The following NTM variants were observed in gnomAD, a reference collection of about 807,000 sequenced individuals.
NTM encodes neurotrimin, also known as IgLON family member 2.
NTM carries 13 observed loss-of-function variants against 42.1 expected under a neutral mutation model. The observed-to-expected ratio is 0.31, with a 90% confidence interval of 0.20 to 0.49. NTM has a LOEUF of 0.49. Ranked by LOEUF, NTM falls within the 20% of genes least tolerant of loss-of-function variation. NTM has a pLI of 0.99. For synonymous variants in NTM, 187 were observed against 179.2 expected (o/e 1.04, Z -0.35); for missense variants, 373 against 452.8 (o/e 0.82, Z 1.60).
Position 132,334,208 on chromosome 11 carries a change from G to A in NTM, c.968-838G>A, listed in dbSNP as rs114784818. On this transcript the variant is annotated intron_variant, in intron 8 of 8. Coordinates refer to ENST00000683400, the MANE Select transcript of NTM (RefSeq NM_001352005.2). ...ACAAGGGCCGAGGTAGCCAGAAAACGTATGTTTCAGAACAATAGGGAAGCT... is the reference window on the plus strand; with the variant it reads ...ACAAGGGCCGAGGTAGCCAGAAAACATATGTTTCAGAACAATAGGGAAGCT... Among the ~76,000 whole-genome samples, 1,321 of 152,354 alleles carry A rather than the reference G, an allele frequency of 8.7e-3. 23 individuals are homozygous for A. Among genetic ancestry groups the A allele is most frequent in the African/African-American group, 0.03 (1,266 of 41,582 alleles).
At chr11:132,172,380 TG>T (rs1162961286) in intron 3 of NTM, among the ~76,000 whole-genome samples, 3 of 152,202 alleles carry the variant, frequency 2.0e-5, no homozygotes, top group Non-Finnish European at 2.9e-5. Context: ...ACTCATTTTC[TG>T]GACATATCCA....
At chr11:131,466,233 G>A (rs1415816943) in intron 1 of NTM, among the ~76,000 whole-genome samples, 1 of 152,252 alleles carries the variant, frequency 6.6e-6, no homozygotes, top group Non-Finnish European at 1.5e-5. Context: ...GGAAGACGGA[G>A]AAGGAGATGT....
chr11:131,858,865 A>G (rs1486467441), intron 1 of NTM, among the ~76,000 whole-genome samples: 2 of 142,342 alleles, frequency 1.4e-5, no homozygotes, highest in African/African-American at 6.2e-5. Flanking sequence ...TCTGCTCACC[A>G]AATAGTCCCC....
At chr11:132,123,608 T>C (rs556629357) in intron 2 of NTM, among the ~76,000 whole-genome samples, 2 of 152,340 alleles carry the variant, frequency 1.3e-5, no homozygotes, top group South Asian at 4.1e-4. Context: ...CCACTGGTCC[T>C]TCCCATACAC....
chr11:132,230,906 C>T (rs942952419), intron 4 of NTM, among the ~76,000 whole-genome samples: 5 of 152,156 alleles, frequency 3.3e-5, no homozygotes, highest in African/African-American at 4.8e-5. Flanking sequence ...CACCTGCAGT[C>T]GCAGCTGAGG....
intron 4 of NTM, among the ~76,000 whole-genome samples, chr11:132,244,991 G>A (rs555392066): frequency 2.9e-4 from 44 of 152,314 alleles, no homozygotes; most frequent in African/African-American, 1.0e-3. Flanking sequence ...TGTAATCTGC[G>A]GCTCTGAGTG....
At chr11:131,893,455 G>T (rs1347850261) in intron 1 of NTM, among the ~76,000 whole-genome samples, 1 of 152,140 alleles carries the variant, frequency 6.6e-6, no homozygotes, top group Admixed American at 6.5e-5. Context: ...GTACCCTAGT[G>T]CTTCTAGGAG....
At chr11:131,397,720 A>G (rs1944714072) in intron 1 of NTM, among the ~76,000 whole-genome samples, 1 of 152,160 alleles carries the variant, frequency 6.6e-6, no homozygotes. Flanking sequence ...GGATGTATAA[A>G]TGGGCTTCCT....
intron 2 of NTM, among the ~76,000 whole-genome samples, chr11:132,048,728 A>G (rs1242323268): frequency 6.6e-6 from 1 of 151,454 alleles, no homozygotes; most frequent in African/African-American, 2.4e-5. Context: ...ACAGACAGAC[A>G]CCCCCAACCA....
At chr11:131,643,802 G>T (rs1396072041) in intron 1 of NTM, among the ~76,000 whole-genome samples, 1 of 152,156 alleles carries the variant, frequency 6.6e-6, no homozygotes, top group East Asian at 1.9e-4. Flanking sequence ...ACAGGGCCAG[G>T]CTGAGAGTTC....
intron 1 of NTM, among the ~76,000 whole-genome samples, chr11:131,590,622 T>C (rs750124615): frequency 3.9e-4 from 59 of 152,204 alleles, no homozygotes; most frequent in African/African-American, 7.5e-4. Context: ...CAAGTTATTA[T>C]AACAACAACA....
At chr11:131,404,405 A>G in intron 1 of NTM, among the ~76,000 whole-genome samples, 1 of 151,604 alleles carries the variant, frequency 6.6e-6, no homozygotes, top group East Asian at 1.9e-4. Flanking sequence ...TTCTTACCTC[A>G]CTAAACCCTA....
chr11:131,386,247 T>A (rs765114776), intron 1 of NTM, among the ~76,000 whole-genome samples: 16 of 152,214 alleles, frequency 1.1e-4, no homozygotes, highest in Non-Finnish European at 2.2e-4. Context: ...GATTCCACTT[T>A]CACGAAGTAC....
chr11:131,873,193 G>T (rs2047978480), intron 1 of NTM, among the ~76,000 whole-genome samples: 1 of 152,112 alleles, frequency 6.6e-6, no homozygotes, highest in Non-Finnish European at 1.5e-5. Flanking sequence ...TAAAAATAAT[G>T]AGTTCATGTC....
chr11:132,328,344 A>G (rs1400618947), intron 7 of NTM, among the ~76,000 whole-genome samples: 1 of 152,182 alleles, frequency 6.6e-6, no homozygotes, highest in Non-Finnish European at 1.5e-5. Context: ...AGTTCTAGCT[A>G]AAGTCAAGGA....
chr11:131,613,810 C>T (rs2061662784), intron 1 of NTM, among the ~76,000 whole-genome samples: 1 of 152,032 alleles, frequency 6.6e-6, no homozygotes, highest in Non-Finnish European at 1.5e-5. Flanking sequence ...CTTTTTATGC[C>T]CCACTCTCCT....
At chr11:132,266,745 G>GT (rs1301560995) in intron 4 of NTM, among the ~76,000 whole-genome samples, 1 of 152,240 alleles carries the variant, frequency 6.6e-6, no homozygotes, top group Non-Finnish European at 1.5e-5. Context: ...GCTCATAACA[G>GT]TTTTGGGTCT....
chr11:131,819,854 G>A (rs1241822902), intron 1 of NTM, among the ~76,000 whole-genome samples: 1 of 152,142 alleles, frequency 6.6e-6, no homozygotes, highest in Non-Finnish European at 1.5e-5. Flanking sequence ...GCAGCACCCT[G>A]TTAATGGGAT....
intron 1 of NTM, among the ~76,000 whole-genome samples, chr11:131,758,615 CA>C (rs1023502566): frequency 2.0e-5 from 3 of 150,946 alleles, no homozygotes; most frequent in Admixed American, 2.0e-4. Context: ...TCTTTTGAGA[CA>C]AACTTTCACT....
Sources: allele counts gnomAD v4.1 joint callset (sites outside exome capture counted in the v4.1 genomes callset), GRCh38; gene constraint gnomAD v4.1.1; transcripts MANE v1.5; gene names NCBI Gene and HGNC (gene_info 2026-07-23, HGNC 2026-07-21).